LARP1: variants seen among roughly 807,000 people sequenced by gnomAD.
LARP1 encodes the protein la-related protein 1.
LARP1 carries 36 observed loss-of-function variants against 122.7 expected under a neutral mutation model. That is an observed-to-expected ratio of 0.29 (90% confidence interval 0.22 to 0.39). The LOEUF is 0.39. LARP1 is among the 10% of genes least tolerant of loss of function. The pLI is 1.00. For synonymous variants in LARP1, 539 were observed against 528.7 expected (o/e 1.02, Z -0.27); for missense variants, 1,040 against 1,403.6 (o/e 0.74, Z 4.14).
intron 1 of LARP1, among the ~76,000 whole-genome samples, chr5:154,701,398 G>A (rs6868098): frequency 0.75 from 114,631 of 151,960 alleles, 43,644 homozygotes; most frequent in African/African-American, 0.87. Context: ...CTGACCCAGC[G>A]AAAGTCTCCC....
intron 1 of LARP1, among the ~76,000 whole-genome samples, chr5:154,684,900 G>A (rs1406196941): frequency 6.6e-6 from 1 of 152,170 alleles, no homozygotes; most frequent in Admixed American, 6.5e-5. Flanking sequence ...CAGAAATGAC[G>A]TGGTTAGGGA....
At position 154,785,530 on chromosome 5, in the gene LARP1, A is replaced by T. The variant is rs188893718; in HGVS notation, c.437-4795A>T. On this transcript the variant is annotated intron_variant, in intron 1 of 18. Coordinates refer to ENST00000518297, the MANE Select transcript of LARP1 (RefSeq NM_033551.3). ...TGTTTGTTTAACTGTTCCAGCAGCC[A>T]TGTAACTATGACTTCAATTTTACAG... is the stretch of plus-strand genomic sequence containing the variant. 4.6e-5 allele frequency among the ~76,000 whole-genome samples: 7 copies of T among 152,320 alleles called. No homozygotes were observed. In the East Asian group the frequency reaches 1.3e-3, roughly 29 times the overall value.
chr5:154,790,855 T>C (rs1361850483), intron 3 of LARP1, 145 bp downstream of exon 3: 1 of 770,538 alleles, frequency 1.3e-6, no homozygotes, highest in African/African-American at 1.7e-5. Context: ...TTCACTCTTT[T>C]TGCCCAGGTT....
intron 1 of LARP1, among the ~76,000 whole-genome samples, chr5:154,699,570 C>T (rs1429855293): frequency 6.6e-6 from 1 of 152,080 alleles, no homozygotes; most frequent in African/African-American, 2.4e-5. Flanking sequence ...GACTACTGGC[C>T]ATGTGAGAGA....
chr5:154,684,484 A>T (rs1753833028), intron 1 of LARP1, among the ~76,000 whole-genome samples: 1 of 152,146 alleles, frequency 6.6e-6, no homozygotes, highest in South Asian at 2.1e-4. Context: ...GGCTGGATGG[A>T]ACGAACCCAA....
intron 1 of LARP1, among the ~76,000 whole-genome samples, chr5:154,785,660 C>T (rs1259205334): frequency 6.6e-6 from 1 of 152,130 alleles, no homozygotes; most frequent in Admixed American, 6.5e-5. Context: ...GGCCCTCTGA[C>T]TTTCCTAGGT....
intron 8 of LARP1, among the ~76,000 whole-genome samples, chr5:154,796,265 TC>T (rs1757844163): frequency 6.8e-6 from 1 of 147,166 alleles, no homozygotes; most frequent in South Asian, 2.1e-4. Flanking sequence ...ACACCTATAA[TC>T]CCTGCACTTT....
In LARP1 at chr5:154,756,356, C is replaced by A. The variant is rs370475813; in HGVS notation, c.436+163C>A. The A allele has an allele frequency of 1.4e-5, 14 of 966,322 alleles. No individual in the cohort carries two copies. In the Admixed American group the frequency reaches 2.4e-4, roughly 17 times the overall value. 59.9% of individuals were successfully genotyped at this position (966,322 alleles called of 1,614,324 possible). ...TGATCCTGGTCGCCGCGCCCTCCCCCCCACCGTACACTCAGGGACCTGCCC... is the reference window on the plus strand; with the variant it reads ...TGATCCTGGTCGCCGCGCCCTCCCCACCACCGTACACTCAGGGACCTGCCC... On this transcript the variant is annotated intron_variant, in intron 1 of 18. Transcript: ENST00000518297.
chr5:154,700,191 A>G (rs1158218104), intron 1 of LARP1, among the ~76,000 whole-genome samples: 2 of 152,236 alleles, frequency 1.3e-5, no homozygotes, highest in Non-Finnish European at 1.5e-5. Flanking sequence ...ATCAAAATTA[A>G]TGCAAAAAGG....
chr5:154,737,693 T>A (rs1216055966), intron 1 of LARP1, among the ~76,000 whole-genome samples: 2 of 152,052 alleles, frequency 1.3e-5, no homozygotes, highest in African/African-American at 2.4e-5. Flanking sequence ...AGTGATTAGT[T>A]CTGTAATGCT....
intron 1 of LARP1, among the ~76,000 whole-genome samples, chr5:154,779,035 C>T (rs1286985274): frequency 6.7e-6 from 1 of 149,828 alleles, no homozygotes; most frequent in Non-Finnish European, 1.5e-5. Context: ...GCTTACCCCA[C>T]CTTTTTTTGG....
intron 7 of LARP1, 135 bp from the exon 8 acceptor site, chr5:154,795,040 T>G: frequency 1.3e-6 from 1 of 793,828 alleles, no homozygotes; most frequent in Non-Finnish European, 2.1e-6. Flanking sequence ...CTCAACACTG[T>G]TGGTATATAG....
chr5:154,723,078 A>G (rs558647486), intron 1 of LARP1, among the ~76,000 whole-genome samples: 1 of 152,346 alleles, frequency 6.6e-6, no homozygotes, highest in Non-Finnish European at 1.5e-5. Flanking sequence ...GTTGAGGTAG[A>G]GCCTGAACGA....
In LARP1 at chr5:154,814,205, T is replaced by TA. The variant is rs1759513981; in HGVS notation, c.*110dup. The TA allele has an allele frequency of 8.9e-7, 1 of 1,128,684 alleles. No individual in the cohort carries two copies. 69.9% of individuals were successfully genotyped at this position (1,128,684 alleles called of 1,614,324 possible). A position where few individuals can be genotyped will look rare whatever the true frequency, so the allele number is the denominator to read the frequency against. ...GACAATGAAGGGACAGGCCTGGAGTTACTAGGACAGGCCTTTGTGCTGAGT... is the reference window on the plus strand; with the variant it reads ...GACAATGAAGGGACAGGCCTGGAGTTAACTAGGACAGGCCTTTGTGCTGAGT... On this transcript the variant is annotated 3_prime_UTR_variant, in exon 19 of 19. Transcript: ENST00000518297.
Position 154,814,997 on chromosome 5 carries a change from T to C in LARP1, c.*901T>C, listed in dbSNP as rs1038620008. ...TTTTGTTTTGTTTTTGGAAATAATA[T>C]TTTTTTAAAAGTTGCCTTATTGTGG... On this transcript the variant is annotated 3_prime_UTR_variant, in exon 19 of 19. Coordinates refer to ENST00000518297, the MANE Select transcript of LARP1 (RefSeq NM_033551.3). The C allele has an allele frequency of 1.3e-5, 2 of 152,614 alleles. No homozygotes were observed. The highest frequency in any genetic ancestry group is 4.8e-5 in the African/African-American group (2 of 41,532). The allele number at this position is 152,614 out of a possible 1,614,324, so 9.5% of individuals were successfully genotyped here.
chr5:154,751,833 G>A (rs1014159104), upstream of LARP1, among the ~76,000 whole-genome samples: 13 of 152,192 alleles, frequency 8.5e-5, 2 homozygotes, highest in Middle Eastern at 3.4e-3. Context: ...AGTATATATA[G>A]AGTTTGGTAC....
chr5:154,805,645 C>G, intron 14 of LARP1: 1 of 469,566 alleles, frequency 2.1e-6, no homozygotes, highest in Non-Finnish European at 3.8e-6. Flanking sequence ...TCTTATGACC[C>G]TGGATGAGTC....
chr5:154,738,718 A>AC (rs1419024456), intron 1 of LARP1, among the ~76,000 whole-genome samples: 1 of 151,864 alleles, frequency 6.6e-6, no homozygotes, highest in African/African-American at 2.4e-5. Context: ...CAAAATGCTG[A>AC]CCCCCTTATG....
At chr5:154,762,752 G>T (rs1432785622) in intron 1 of LARP1, among the ~76,000 whole-genome samples, 1 of 152,158 alleles carries the variant, frequency 6.6e-6, no homozygotes, top group South Asian at 2.1e-4. Flanking sequence ...CTCCAAACTA[G>T]TGGTAACCAC....
Sources: gnomAD v4.1 joint callset for allele counts (sites outside exome capture counted in the v4.1 genomes callset) on GRCh38, gnomAD v4.1.1 for gene constraint, MANE v1.5 for transcripts, NCBI Gene and HGNC (gene_info 2026-07-23, HGNC 2026-07-21) for gene names.